The following GEMIN8 variants were observed in gnomAD, a reference collection of about 807,000 sequenced individuals.
GEMIN8 encodes the protein gem nuclear organelle associated protein 8, also known as gem-associated protein 8.
For missense variants in GEMIN8, 185 were observed against 205.9 expected, an observed-to-expected ratio of 0.90 and a Z score of 0.62; for synonymous variants, 80 against 78.5, an observed-to-expected ratio of 1.02 and a Z score of -0.10.
At chrX:13,997,405 A>G in the GEMIN8 span, among the ~76,000 whole-genome samples, 1 of 111,667 alleles carries the variant, frequency 9.0e-6, no homozygotes, top group African/African-American at 3.3e-5. Flanking sequence ...GCCATCCTAG[A>G]CTAACCAGCC....
intron 4 of GEMIN8, among the ~76,000 whole-genome samples, chrX:14,017,305 G>A (rs1315620654): frequency 9.0e-6 from 1 of 111,668 alleles, no homozygotes; most frequent in Non-Finnish European, 1.9e-5. Context: ...ACTGGAAAAT[G>A]AGGTTCAAGA....
chrX:14,002,693 A>G (rs1024897498), downstream of GEMIN8, among the ~76,000 whole-genome samples: 2 of 110,649 alleles, frequency 1.8e-5, no homozygotes, highest in African/African-American at 6.6e-5. Context: ...TAGTACAGAC[A>G]GTTTTACCAT....
chrX:14,014,458 A>G lies in GEMIN8; in HGVS notation c.473-5289T>C. On this transcript the variant is annotated intron_variant, in intron 4 of 4. Coordinates refer to ENST00000680255, the MANE Select transcript of GEMIN8 (RefSeq NM_001042479.2). ...ATTTTTACTTTTACAACAGAAGTGCATTTTCATGTTCCTTTCCACTTTTCT... is the reference window on the plus strand; with the variant it reads ...ATTTTTACTTTTACAACAGAAGTGCGTTTTCATGTTCCTTTCCACTTTTCT... The G allele has an allele frequency of 5.3e-6, 4 of 750,787 alleles. No homozygotes were observed. The South Asian group carries it at 2.7e-4, about 51-fold the overall frequency. 61.9% of individuals were successfully genotyped at this position (750,787 alleles called of 1,213,427 possible).
chrX:14,016,856 A>T lies in GEMIN8; in HGVS notation c.472+3222T>A, dbSNP rs866717099. Reference sequence around the variant, plus strand: ...TAAGAATCTGTCTCAAAAAAAAAAAAAAAAAAAAAAATATATATATATATA... The same window carrying T: ...TAAGAATCTGTCTCAAAAAAAAAAATAAAAAAAAAAATATATATATATATA... On this transcript the variant is annotated intron_variant, in intron 4 of 4. Transcript: ENST00000680255. 2.5e-3 allele frequency among the ~76,000 whole-genome samples: 197 copies of T among 79,393 alleles called. 5 individuals carry two copies. The East Asian group carries it at 0.037, about 15-fold the overall frequency. The allele number at this position is 79,393 out of a possible 115,157, so 68.9% of individuals were successfully genotyped here.
Position 14,008,952 on chromosome X carries a change from C to G in GEMIN8, c.690G>C (p.Lys230Asn). Reference sequence around the variant, plus strand: ...GGATGACCGGCCAGTACTTGGGCTGCTTTCGGTCACAGTGCTTGTCAAAGC... The same window carrying G: ...GGATGACCGGCCAGTACTTGGGCTGGTTTCGGTCACAGTGCTTGTCAAAGC... ...QLSFDKHCDR[K>N]QPKYWPVIPL... The change falls in exon 5 of 5, where the codon AAG becomes AAC. Residue 230 changes from lysine (K) to asparagine (N), a missense_variant. Transcript: ENST00000680255. 8.3e-7 allele frequency: 1 copy of G among 1,211,155 alleles called. No individual in the cohort carries two copies. Among genetic ancestry groups the G allele is most frequent in the Non-Finnish European group, 1.1e-6 (1 of 894,660 alleles).
intron 2 of GEMIN8, among the ~76,000 whole-genome samples, chrX:14,023,619 C>T (rs777053970): frequency 9.0e-6 from 1 of 111,710 alleles, no homozygotes; most frequent in East Asian, 2.8e-4. Context: ...CCTCATGATC[C>T]GCCCGCCTCG....
intron 4 of GEMIN8, among the ~76,000 whole-genome samples, chrX:14,011,514 CTCT>C (rs1923535147): frequency 2.4e-5 from 2 of 82,049 alleles, no homozygotes; most frequent in Non-Finnish European, 4.4e-5. Context: ...TCCTATGGCT[CTCT>C]TTTTTTTTTT....
chrX:14,001,297 A>G, the GEMIN8 span, among the ~76,000 whole-genome samples: 1 of 112,314 alleles, frequency 8.9e-6, no homozygotes, highest in Admixed American at 9.4e-5. Context: ...TTTAACAGAT[A>G]AAAACTAAAC....
intron 3 of GEMIN8, 89 bp from the exon 4 acceptor site, chrX:14,020,623 G>A: frequency 1.6e-6 from 1 of 607,946 alleles, no homozygotes; most frequent in East Asian, 3.3e-5. Context: ...CTACCCAACA[G>A]GTATTTACTT....
At chrX:13,995,958 C>T in the GEMIN8 span, among the ~76,000 whole-genome samples, 2 of 111,732 alleles carry the variant, frequency 1.8e-5, 1 homozygote, top group South Asian at 7.4e-4. Flanking sequence ...CCATGCCTAC[C>T]CTGTCATTTT....
chrX:13,998,509 G>A, the GEMIN8 span, among the ~76,000 whole-genome samples: 1 of 110,691 alleles, frequency 9.0e-6, no homozygotes, highest in African/African-American at 3.3e-5. Context: ...TTTGCCTTCC[G>A]CCATGATTGT....
chrX:14,006,471 G>C (rs747681476), downstream of GEMIN8, among the ~76,000 whole-genome samples: 74 of 111,611 alleles, frequency 6.6e-4, no homozygotes, highest in Non-Finnish European at 1.2e-3. Context: ...AAAAAATCCT[G>C]AGGGAAGAGA....
the GEMIN8 span, among the ~76,000 whole-genome samples, chrX:13,986,900 A>G: frequency 3.5e-5 from 4 of 112,788 alleles, no homozygotes; most frequent in Admixed American, 9.4e-5. Flanking sequence ...ACAAGAAAGT[A>G]TTCACTAGGC....
chrX:14,021,636 T>C, intron 2 of GEMIN8, 125 bp from the exon 3 acceptor site: 1 of 474,615 alleles, frequency 2.1e-6, no homozygotes, highest in Non-Finnish European at 3.7e-6. Context: ...CCTGATTTCA[T>C]GCAACCTATC....
chrX:13,984,571 CTT>C, the GEMIN8 span, among the ~76,000 whole-genome samples: 1 of 111,732 alleles, frequency 8.9e-6, no homozygotes, highest in Non-Finnish European at 1.9e-5. Context: ...ATATCTGGCT[CTT>C]TCTAGAAAAA....
At chrX:13,995,065 G>A in the GEMIN8 span, among the ~76,000 whole-genome samples, 3 of 111,640 alleles carry the variant, frequency 2.7e-5, no homozygotes, top group African/African-American at 9.8e-5. Context: ...AGTGCCCACT[G>A]GACCATGCTG....
chrX:14,009,371 T>C (rs1246156443), intron 4 of GEMIN8, among the ~76,000 whole-genome samples: 3 of 111,191 alleles, frequency 2.7e-5, no homozygotes, highest in South Asian at 3.8e-4. Flanking sequence ...TGCAGATTAT[T>C]ATCATCATTC....
rs575030041 is a variant in GEMIN8 at position 14,007,631 on chromosome X, C to A, written c.*1282G>T. Among the ~76,000 whole-genome samples the A allele has an allele frequency of 6.0e-4, 65 of 108,843 alleles. No individual in the cohort carries two copies. In the South Asian group the frequency reaches 0.026, roughly 44 times the overall value. The allele number at this position is 108,843 out of a possible 115,157, so 94.5% of individuals were successfully genotyped here. ...CAAGCTCCGCCTCCTGGGTTCACGC[C>A]ATTCTCCTGCCTCAGCCTCCCAAGT... On this transcript the variant is annotated 3_prime_UTR_variant, in exon 5 of 5. Coordinates refer to ENST00000680255, the MANE Select transcript of GEMIN8 (RefSeq NM_001042479.2).
Position 14,021,147 on chromosome X carries a change from A to G in GEMIN8, c.15+317T>C, listed in dbSNP as rs184490288. ...TTTACCAGCAAACTATCGCAAGGAC[A>G]AAAAACCAAACTCCGCATGTTCTCA... is the stretch of plus-strand genomic sequence containing the variant. On this transcript the variant is annotated intron_variant, in intron 3 of 4. Transcript: ENST00000680255. 7.8e-3 allele frequency among the ~76,000 whole-genome samples: 837 copies of G among 107,137 alleles called. 3 individuals carry two copies. Among genetic ancestry groups the G allele is most frequent in the Non-Finnish European group, 0.013 (652 of 51,899 alleles). The allele number at this position is 107,137 out of a possible 115,157, so 93.0% of individuals were successfully genotyped here.
Sources: gnomAD v4.1 joint callset for allele counts (sites outside exome capture counted in the v4.1 genomes callset) on GRCh38, gnomAD v4.1.1 for gene constraint, MANE v1.5 for transcripts, NCBI Gene and HGNC (gene_info 2026-07-23, HGNC 2026-07-21) for gene names.